Variants in ZNF718 observed in about 807,000 individuals in gnomAD.
ZNF718 encodes the protein zinc finger protein 718.
ZNF718 carries 3 observed loss-of-function variants against 2.6 expected under a neutral mutation model. The observed-to-expected ratio is 1.16, with a 90% CI of 0.53 to 3.01. ZNF718 has a LOEUF of 3.01. Ranked by LOEUF, ZNF718 falls within the 30% of genes most tolerant of loss-of-function variation. The pLI is 0.03. For synonymous variants in ZNF718, 135 were observed against 77.9 expected (o/e 1.73, Z -3.86); for missense variants, 468 against 230.0 (o/e 2.03, Z -6.69).
At position 192,192 on chromosome 4, in the gene ZNF718, G is replaced by A. The variant is rs138390604; in HGVS notation, c.227-8889G>A. Among the ~76,000 whole-genome samples, 1,306 of 152,234 alleles carry A rather than the reference G, an allele frequency of 8.6e-3. 19 individuals carry two copies. Among genetic ancestry groups the A allele is most frequent in the Middle Eastern group, 0.062 (18 of 292 alleles). Reference sequence around the variant, plus strand: ...GGCAAGCGATAGCTCAGCTCGAGCCGGAACAAACGCAGACCAGAAGAGTGT... The same window carrying A: ...GGCAAGCGATAGCTCAGCTCGAGCCAGAACAAACGCAGACCAGAAGAGTGT... On this transcript the variant is annotated intron_variant and NMD_transcript_variant, in intron 3 of 4. Transcript: ENST00000642529.
At chr4:141,395 TTAAAG>T (rs1715805701) in intron 3 of ZNF718, among the ~76,000 whole-genome samples, 1 of 152,230 alleles carries the variant, frequency 6.6e-6, no homozygotes, top group South Asian at 2.1e-4. Context: ...TTAGTTTTGA[TTAAAG>T]TAAAATAAAA....
At chr4:159,018 A>G (rs2108801338) in intron 3 of ZNF718, among the ~76,000 whole-genome samples, 1 of 146,940 alleles carries the variant, frequency 6.8e-6, no homozygotes, top group East Asian at 2.0e-4. Context: ...CCCACTTAGG[A>G]GCTATTCTTT....
At position 148,463 on chromosome 4, in the gene ZNF718, G is replaced by A. The variant is rs554871784; in HGVS notation, c.227-12449G>A. 3.1e-3 allele frequency among the ~76,000 whole-genome samples: 468 copies of A among 152,096 alleles called. 1 individual carries two copies. Among genetic ancestry groups the A allele is most frequent in the South Asian group, 5.8e-3 (28 of 4,806 alleles). On this transcript the variant is annotated intron_variant, in intron 3 of 3. Coordinates refer to ENST00000510175, the MANE Select transcript of ZNF718 (RefSeq NM_001039127.6). ...ATCTCTACTAAAAATACAAAAATTT[G>A]CTGGGCATGGTGGCGGGCATCTGTA...
In ZNF718 at chr4:128,329, T is replaced by TA. The variant is rs1221282360; in HGVS notation, c.4-2459_4-2458insA. The stretch of plus-strand genomic sequence containing the variant: ...TGTTCAGTGACCTGCTACAGCTGTG[T>TA]GAGAGGCTTCTGATGGGAACAGAAT... On this transcript the variant is annotated intron_variant, in intron 1 of 3. Coordinates refer to ENST00000510175, the MANE Select transcript of ZNF718 (RefSeq NM_001039127.6). Among the ~76,000 whole-genome samples the TA allele has an allele frequency of 2.9e-5, 3 of 104,006 alleles. 1 individual carries two copies. Among genetic ancestry groups the TA allele is most frequent in the African/African-American group, 1.0e-4 (3 of 29,950 alleles). The allele number at this position is 104,006 out of a possible 152,430, so 68.2% of individuals were successfully genotyped here.
exon 5 of ZNF718, chr4:201,855 C>A: frequency 5.2e-6 from 1 of 190,886 alleles, no homozygotes. Context: ...AAAATACCTG[C>A]TTTTAGTAGA....
chr4:175,852 CT>C (rs1158577358), intron 3 of ZNF718, among the ~76,000 whole-genome samples: 80 of 98,928 alleles, frequency 8.1e-4, no homozygotes, highest in Middle Eastern at 0.014. Context: ...GATTAACAGT[CT>C]TTTTTTTTTT....
At chr4:198,831 C>T (rs1300616723) in intron 3 of ZNF718, among the ~76,000 whole-genome samples, 1 of 152,174 alleles carries the variant, frequency 6.6e-6, no homozygotes, top group Non-Finnish European at 1.5e-5. Flanking sequence ...GGGGTTCAGG[C>T]ATAATAGTCT....
At chr4:124,775 G>C (rs1715117801) in intron 1 of ZNF718, 102 bp downstream of exon 1, 9 of 1,515,256 alleles carry the variant, frequency 5.9e-6, no homozygotes. Flanking sequence ...TTCCCGCTCA[G>C]CCCTCTGTCC....
rs957426984 is a variant in ZNF718, at chr4:196,240, G to A, written c.227-4841G>A. Among the ~76,000 whole-genome samples the A allele has an allele frequency of 4.6e-5, 7 of 152,172 alleles. No individual in the cohort carries two copies. The South Asian group carries it at 1.4e-3, about 32-fold the overall frequency. ...GGGAAGGAGAGCATCTTACACAATG[G>A]GAGGGCAATCTTCCTAGCCATTTAC... is the stretch of plus-strand genomic sequence containing the variant. On this transcript the variant is annotated intron_variant and NMD_transcript_variant, in intron 3 of 4. Coordinates refer to the ZNF718 transcript ENST00000642529.
chr4:151,570 T>G (rs1222043776), intron 3 of ZNF718, among the ~76,000 whole-genome samples: 1 of 152,018 alleles, frequency 6.6e-6, no homozygotes, highest in Non-Finnish European at 1.5e-5. Flanking sequence ...AACCTCCGCC[T>G]CCCAGGTTCA....
At chr4:146,760 C>T (rs140813542) in intron 3 of ZNF718, among the ~76,000 whole-genome samples, 185 of 148,772 alleles carry the variant, frequency 1.2e-3, no homozygotes, top group African/African-American at 4.0e-3. Flanking sequence ...AAATGACTTA[C>T]GTTTGCTGGG....
At chr4:170,642 G>T (rs144464645) in intron 3 of ZNF718, among the ~76,000 whole-genome samples, 1,896 of 152,146 alleles carry the variant, frequency 0.012, 45 homozygotes, top group African/African-American at 0.043. Flanking sequence ...GATTGAATCA[G>T]CTACTGAGGT....
intron 3 of ZNF718, among the ~76,000 whole-genome samples, chr4:157,081 CT>C (rs1471087275): frequency 2.7e-5 from 3 of 109,518 alleles, no homozygotes; most frequent in African/African-American, 1.1e-4. Context: ...TTCTTTTTTT[CT>C]TTTTGTTTCT....
chr4:169,293 A>T (rs1717167826), intron 3 of ZNF718, among the ~76,000 whole-genome samples: 1 of 152,172 alleles, frequency 6.6e-6, no homozygotes, highest in South Asian at 2.1e-4. Flanking sequence ...TTTTGGAATA[A>T]GTGCAGTGTG....
rs138171437 is a variant in ZNF718, at chr4:124,922, A to C, written c.3+249A>C. 840 of 444,084 alleles carry C rather than the reference A, an allele frequency of 1.9e-3. 7 individuals carry two copies. Among genetic ancestry groups the C allele is most frequent in the African/African-American group, 0.016 (764 of 48,888 alleles). The allele number at this position is 444,084 out of a possible 1,614,324, so 27.5% of individuals were successfully genotyped here. On this transcript the variant is annotated intron_variant, in intron 1 of 3. Transcript: ENST00000510175. The stretch of plus-strand genomic sequence containing the variant: ...CGGGCTGTGGAGTGAGTAGGAGCTC[A>C]TCCGGAAGACACCGCGGCGGCCTGC...
intron 3 of ZNF718, among the ~76,000 whole-genome samples, chr4:178,944 G>A (rs896356010): frequency 9.2e-5 from 14 of 152,222 alleles, no homozygotes; most frequent in African/African-American, 3.4e-4. Flanking sequence ...TGCTTTTAAT[G>A]TAATACTCAA....
chr4:177,885 A>C (rs1037730481), intron 3 of ZNF718, among the ~76,000 whole-genome samples: 3 of 152,092 alleles, frequency 2.0e-5, no homozygotes, highest in Non-Finnish European at 4.4e-5. Context: ...GCAGTTAGAC[A>C]TGAGCAGAAA....
intron 3 of ZNF718, among the ~76,000 whole-genome samples, chr4:176,735 T>A (rs1717352803): frequency 6.6e-6 from 1 of 152,204 alleles, no homozygotes; most frequent in Admixed American, 6.5e-5. Flanking sequence ...CTTTTATTCC[T>A]TTCAGAAAAC....
intron 3 of ZNF718, among the ~76,000 whole-genome samples, chr4:155,815 C>T (rs1238803763): frequency 3.9e-5 from 6 of 151,934 alleles, no homozygotes; most frequent in African/African-American, 1.2e-4. Context: ...TTGGGAAGAA[C>T]CAGGGGTGGA....
Sources: allele counts gnomAD v4.1 joint callset (sites outside exome capture counted in the v4.1 genomes callset), GRCh38; gene constraint gnomAD v4.1.1; transcripts MANE v1.5; gene names NCBI Gene and HGNC (gene_info 2026-07-23, HGNC 2026-07-21).